Variants in GABRA3 observed in about 807,000 individuals in gnomAD.
The protein encoded by GABRA3 is gamma-aminobutyric acid receptor subunit alpha-3.
A neutral mutation model predicts 30.1 loss-of-function variants in GABRA3; 10 were observed. That is an observed-to-expected ratio of 0.33 (90% CI 0.20 to 0.56). The LOEUF is 0.56. GABRA3 is among the 20% of genes least tolerant of loss of function. GABRA3 has a pLI of 0.89. For synonymous variants in GABRA3, 151 were observed against 146.8 expected (o/e 1.03, Z -0.21); for missense variants, 233 against 392.0 (o/e 0.59, Z 3.42).
chrX:152,439,421 C>T (rs774598999), intron 1 of GABRA3, among the ~76,000 whole-genome samples: 4 of 111,326 alleles, frequency 3.6e-5, no homozygotes, highest in African/African-American at 6.5e-5. Context: ...CATGAGCCAC[C>T]GTGCCTGGTC....
chrX:152,242,326 G>C (rs920083157), intron 5 of GABRA3, among the ~76,000 whole-genome samples: 1 of 111,083 alleles, frequency 9.0e-6, no homozygotes, highest in African/African-American at 3.3e-5. Flanking sequence ...AAAACAGAGA[G>C]AGAAAGCTCA....
intron 5 of GABRA3, among the ~76,000 whole-genome samples, chrX:152,252,420 C>G (rs1378980729): frequency 9.0e-6 from 1 of 111,541 alleles, no homozygotes; most frequent in Non-Finnish European, 1.9e-5. Flanking sequence ...CAACCATCTA[C>G]TACCCAAGTG....
chrX:152,275,168 A>T (rs1939026428), intron 4 of GABRA3, among the ~76,000 whole-genome samples: 1 of 65,448 alleles, frequency 1.5e-5, no homozygotes, highest in Non-Finnish European at 2.8e-5. Flanking sequence ...TTATATATAT[A>T]ATTTATATAT....
At chrX:152,345,773 G>A (rs941360578) in intron 2 of GABRA3, 71 bp from the exon 3 acceptor site, 27 of 984,734 alleles carry the variant, frequency 2.7e-5, no homozygotes, top group East Asian at 6.4e-5. Flanking sequence ...ACTAGATATC[G>A]TAATTCAAGA....
At chrX:152,441,085 G>A (rs1422335408) in intron 1 of GABRA3, among the ~76,000 whole-genome samples, 1 of 110,502 alleles carries the variant, frequency 9.0e-6, no homozygotes, top group African/African-American at 3.3e-5. Flanking sequence ...GAAAAGAACT[G>A]GCTGCAAAGG....
intron 6 of GABRA3, among the ~76,000 whole-genome samples, 171 bp from the exon 7 acceptor site, chrX:152,208,315 A>G (rs942639695): frequency 1.8e-5 from 2 of 112,199 alleles, no homozygotes; most frequent in African/African-American, 6.5e-5. Context: ...ATCCATCCAT[A>G]CAATAAACTC....
At chrX:152,168,645 T>C in intron 9 of GABRA3, 82 bp from the exon 10 acceptor site, 1 of 767,182 alleles carries the variant, frequency 1.3e-6, no homozygotes, top group Non-Finnish European at 1.9e-6. Context: ...CTTCAGAGGC[T>C]GCAGGGAGGA....
In GABRA3 at chrX:152,168,423, T is replaced by C. The variant is rs761840054; in HGVS notation, c.1284A>G (p.Pro428=). The C allele has an allele frequency of 1.7e-6, 2 of 1,211,753 alleles. No homozygotes were observed. Among genetic ancestry groups the C allele is most frequent in the Admixed American group, 4.3e-5 (2 of 46,038 alleles). Reference sequence around the variant, plus strand: ...TGGCCTTGGGTGAAGCAATGATTGTTGGGGTTGAGGAGGCACTGGGAGCAG... The same window carrying C: ...TGGCCTTGGGTGAAGCAATGATTGTCGGGGTTGAGGAGGCACTGGGAGCAG... ...KGAAPSASST[P]TIIASPKATY... The change falls in exon 10 of 10, where the codon CCA becomes CCG. Residue 428 remains proline, a synonymous_variant. Coordinates refer to ENST00000370314, the MANE Select transcript of GABRA3 (RefSeq NM_000808.4).
intron 3 of GABRA3, among the ~76,000 whole-genome samples, chrX:152,317,146 A>G (rs1300134786): frequency 8.9e-6 from 1 of 111,984 alleles, no homozygotes; most frequent in East Asian, 2.8e-4. Flanking sequence ...GCAAATTGAC[A>G]CCAAAAGTGA....
intron 1 of GABRA3, among the ~76,000 whole-genome samples, chrX:152,418,340 C>T (rs887802075): frequency 9.0e-6 from 1 of 111,536 alleles, no homozygotes; most frequent in Non-Finnish European, 1.9e-5. Context: ...ATTCTCTGAC[C>T]ACAATTTAAT....
intron 7 of GABRA3, among the ~76,000 whole-genome samples, chrX:152,198,235 C>G (rs1483467005): frequency 1.8e-5 from 2 of 111,855 alleles, no homozygotes; most frequent in Non-Finnish European, 1.9e-5. Context: ...TAAGGTTACA[C>G]AGCTAGTAAT....
At chrX:152,245,037 C>A (rs1250133836) in intron 5 of GABRA3, among the ~76,000 whole-genome samples, 1 of 110,949 alleles carries the variant, frequency 9.0e-6, no homozygotes, top group East Asian at 2.9e-4. Context: ...GGTTAAAAAT[C>A]TAAAGTTTAT....
At chrX:152,442,966 T>C (rs771565070) in intron 1 of GABRA3, among the ~76,000 whole-genome samples, 1 of 111,610 alleles carries the variant, frequency 9.0e-6, no homozygotes, top group African/African-American at 3.3e-5. Context: ...CACGAATTCA[T>C]CAGAAGAAAT....
intron 8 of GABRA3, among the ~76,000 whole-genome samples, chrX:152,195,277 A>T (rs781093889): frequency 1.8e-5 from 2 of 111,722 alleles, no homozygotes; most frequent in East Asian, 5.6e-4. Flanking sequence ...AGCCCAGGCC[A>T]AAAAAAACAT....
chrX:152,444,798 A>T (rs1197803188), intron 1 of GABRA3, among the ~76,000 whole-genome samples: 1 of 77,551 alleles, frequency 1.3e-5, no homozygotes, highest in African/African-American at 5.0e-5. Context: ...GCGGTGGCTC[A>T]CGCCTGTAAT....
At chrX:152,361,102 A>G (rs1928488730) in intron 2 of GABRA3, among the ~76,000 whole-genome samples, 1 of 107,928 alleles carries the variant, frequency 9.3e-6, no homozygotes, top group South Asian at 4.0e-4. Context: ...AAAAAAAAAA[A>G]AAAAAAGAAA....
chrX:152,243,252 TA>T (rs1439512825), intron 5 of GABRA3, among the ~76,000 whole-genome samples: 6 of 111,429 alleles, frequency 5.4e-5, no homozygotes, highest in Non-Finnish European at 1.1e-4. Flanking sequence ...ACAGGAAAAA[TA>T]AATTCAAGAG....
At chrX:152,445,483 G>C (rs896959953) in intron 1 of GABRA3, among the ~76,000 whole-genome samples, 1 of 111,301 alleles carries the variant, frequency 9.0e-6, no homozygotes, top group Non-Finnish European at 1.9e-5. Flanking sequence ...TCTCAGGACA[G>C]TTACAATTTC....
At chrX:152,182,820 A>G (rs1399301319) in intron 9 of GABRA3, among the ~76,000 whole-genome samples, 1 of 65,122 alleles carries the variant, frequency 1.5e-5, no homozygotes, top group African/African-American at 5.3e-5. Flanking sequence ...TACACCATAT[A>G]TATACATATA....
Sources: allele counts gnomAD v4.1 joint callset (sites outside exome capture counted in the v4.1 genomes callset), GRCh38; gene constraint gnomAD v4.1.1; transcripts MANE v1.5; gene names NCBI Gene and HGNC (gene_info 2026-07-23, HGNC 2026-07-21).